The following FBXL7 variants were observed in gnomAD, a reference collection of about 807,000 sequenced individuals.
FBXL7 encodes F-box and leucine rich repeat protein 7.
FBXL7 carries 12 observed loss-of-function variants against 38.3 expected under a neutral mutation model. The observed-to-expected ratio is 0.31, with a 90% CI of 0.20 to 0.51. FBXL7 has a LOEUF of 0.51. FBXL7 is among the 20% of genes least tolerant of loss of function. The pLI is 0.98. For synonymous variants in FBXL7, 297 were observed against 300.9 expected (o/e 0.99, Z 0.13); for missense variants, 567 against 676.4 (o/e 0.84, Z 1.79).
At chr5:15,915,256 C>T (rs1741553394) in intron 2 of FBXL7, among the ~76,000 whole-genome samples, 2 of 152,196 alleles carry the variant, frequency 1.3e-5, no homozygotes, top group African/African-American at 4.8e-5. Flanking sequence ...GCTGCTGTAA[C>T]AAAATACTGC....
intron 2 of FBXL7, among the ~76,000 whole-genome samples, chr5:15,729,343 A>G (rs1012189153): frequency 6.6e-6 from 1 of 152,116 alleles, no homozygotes; most frequent in Non-Finnish European, 1.5e-5. Context: ...GAACTTGTGC[A>G]TGGGTGGCTG....
At chr5:15,693,229 G>A (rs1743233330) in intron 2 of FBXL7, among the ~76,000 whole-genome samples, 1 of 152,102 alleles carries the variant, frequency 6.6e-6, no homozygotes, top group Non-Finnish European at 1.5e-5. Context: ...TGTCTGCCTG[G>A]AATTTGCAGA....
intron 2 of FBXL7, among the ~76,000 whole-genome samples, chr5:15,764,822 G>T (rs1736544129): frequency 6.6e-6 from 1 of 152,196 alleles, no homozygotes; most frequent in Non-Finnish European, 1.5e-5. Context: ...TGTGTATTTT[G>T]CTGCCTTACC....
intron 1 of FBXL7, among the ~76,000 whole-genome samples, chr5:15,573,266 T>C (rs1441245328): frequency 6.6e-6 from 1 of 152,196 alleles, no homozygotes; most frequent in African/African-American, 2.4e-5. Context: ...GAGCCTTCCA[T>C]GTCTTTGAGT....
chr5:15,552,880 G>A (rs1271462988), intron 1 of FBXL7, among the ~76,000 whole-genome samples: 1 of 152,020 alleles, frequency 6.6e-6, no homozygotes, highest in Admixed American at 6.6e-5. Flanking sequence ...TCAAGAGATG[G>A]AGACCATCCT....
chr5:15,736,202 A>G (rs1369390710), intron 2 of FBXL7, among the ~76,000 whole-genome samples: 7 of 152,298 alleles, frequency 4.6e-5, no homozygotes, highest in East Asian at 3.9e-4. Flanking sequence ...CTTAACTCCA[A>G]TTTATTCTAT....
chr5:15,537,600 T>C (rs762395868), intron 1 of FBXL7, among the ~76,000 whole-genome samples: 2 of 152,218 alleles, frequency 1.3e-5, no homozygotes, highest in Non-Finnish European at 2.9e-5. Context: ...CTCAAGGCCA[T>C]TGAGAAGGCT....
chr5:15,866,180 A>G (rs1362012355), intron 2 of FBXL7, among the ~76,000 whole-genome samples: 1 of 152,242 alleles, frequency 6.6e-6, no homozygotes, highest in Non-Finnish European at 1.5e-5. Flanking sequence ...TGTGCGAATG[A>G]AACAGAGGTA....
chr5:15,584,084 C>T (rs553355404), intron 1 of FBXL7, among the ~76,000 whole-genome samples: 6 of 152,256 alleles, frequency 3.9e-5, no homozygotes, highest in South Asian at 4.1e-4. Flanking sequence ...CCCTTTTAAC[C>T]GCAGCTGGAG....
chr5:15,600,072 C>T (rs535440773), intron 1 of FBXL7, among the ~76,000 whole-genome samples: 1 of 152,332 alleles, frequency 6.6e-6, no homozygotes, highest in South Asian at 2.1e-4. Context: ...GAGCTTCATG[C>T]TGCCTCATAG....
At chr5:15,779,982 G>C (rs1419189361) in intron 2 of FBXL7, among the ~76,000 whole-genome samples, 3 of 152,092 alleles carry the variant, frequency 2.0e-5, no homozygotes, top group African/African-American at 7.2e-5. Flanking sequence ...ACTTGTGTTT[G>C]TCAAAAATGG....
At chr5:15,913,313 AT>A (rs1162554529) in intron 2 of FBXL7, among the ~76,000 whole-genome samples, 1 of 148,718 alleles carries the variant, frequency 6.7e-6, no homozygotes, top group African/African-American at 2.5e-5. Flanking sequence ...ACATGTGCAC[AT>A]TGTGCAGGTT....
intron 2 of FBXL7, among the ~76,000 whole-genome samples, chr5:15,900,683 TAAATC>T (rs1044287969): frequency 3.3e-5 from 5 of 152,088 alleles, no homozygotes; most frequent in African/African-American, 9.7e-5. Context: ...AAATAACAAA[TAAATC>T]AATAAAACTA....
chr5:15,903,563 T>C (rs534242536), intron 2 of FBXL7, among the ~76,000 whole-genome samples: 1 of 152,314 alleles, frequency 6.6e-6, no homozygotes, highest in Non-Finnish European at 1.5e-5. Context: ...ATAGAGTTTT[T>C]TTTGGAATAT....
intron 1 of FBXL7, among the ~76,000 whole-genome samples, chr5:15,538,602 A>G (rs1010766213): frequency 2.0e-5 from 3 of 152,226 alleles, no homozygotes; most frequent in Non-Finnish European, 4.4e-5. Flanking sequence ...TCAAGAAGTT[A>G]CTGGCATTCA....
At chr5:15,851,401 G>A (rs776986154) in intron 2 of FBXL7, among the ~76,000 whole-genome samples, 18 of 152,078 alleles carry the variant, frequency 1.2e-4, no homozygotes, top group Non-Finnish European at 1.8e-4. Context: ...CCTAACCATA[G>A]GAATAAAGCC....
intron 2 of FBXL7, among the ~76,000 whole-genome samples, chr5:15,805,987 A>G (rs974854562): frequency 3.9e-5 from 6 of 152,206 alleles, no homozygotes; most frequent in Non-Finnish European, 7.3e-5. Flanking sequence ...TACATTTCTC[A>G]AATTTTAACC....
chr5:15,903,277 A>G (rs571766407), intron 2 of FBXL7, among the ~76,000 whole-genome samples: 1 of 152,298 alleles, frequency 6.6e-6, no homozygotes, highest in South Asian at 2.1e-4. Flanking sequence ...AGTTCACTCT[A>G]ATTCAGGGGT....
At chr5:15,597,940 A>G (rs1018036822) in intron 1 of FBXL7, among the ~76,000 whole-genome samples, 4 of 152,256 alleles carry the variant, frequency 2.6e-5, no homozygotes, top group African/African-American at 9.6e-5. Flanking sequence ...GAACTATTCC[A>G]GTTTCAGGCA....
Sources: gnomAD v4.1 joint callset for allele counts (sites outside exome capture counted in the v4.1 genomes callset) on GRCh38, gnomAD v4.1.1 for gene constraint, MANE v1.5 for transcripts, NCBI Gene and HGNC (gene_info 2026-07-23, HGNC 2026-07-21) for gene names.